ZXDC: variants seen among roughly 807,000 people sequenced by gnomAD.
ZXDC encodes the protein ZXD family zinc finger C.
Under a neutral mutation model 63.6 loss-of-function variants are expected in ZXDC, and 58 were observed. The observed-to-expected ratio is 0.91, with a 90% CI of 0.74 to 1.13. ZXDC has a LOEUF of 1.13. Among genes scored for constraint, ZXDC ranks in the 50% most tolerant of loss-of-function variants. The pLI, the probability that ZXDC is intolerant of heterozygous loss-of-function variation, is 0.00. For missense variants in ZXDC, 1,133 were observed against 1,148.9 expected (o/e 0.99, Z 0.20); for synonymous variants, 561 against 496.1 (o/e 1.13, Z -1.74).
At chr3:126,454,108 C>T in intron 7 of ZXDC, 1 of 946,178 alleles carries the variant, frequency 1.1e-6, no homozygotes, top group Non-Finnish European at 1.3e-6. Context: ...TCCTGATGCC[C>T]TAATTTGTTC....
chr3:126,451,505 C>A, intron 7 of ZXDC: 3 of 985,372 alleles, frequency 3.0e-6, no homozygotes, highest in Non-Finnish European at 3.6e-6. Context: ...TATTTTTTGG[C>A]TCCTGAACAC....
At chr3:126,456,716 T>C (rs1934319305) in intron 7 of ZXDC, among the ~76,000 whole-genome samples, 1 of 152,208 alleles carries the variant, frequency 6.6e-6, no homozygotes, top group African/African-American at 2.4e-5. Context: ...AAGGGTGGTC[T>C]TGAGGACCCC....
At chr3:126,447,961 C>G (rs1391376788) in intron 7 of ZXDC, among the ~76,000 whole-genome samples, 2 of 152,234 alleles carry the variant, frequency 1.3e-5, no homozygotes, top group Non-Finnish European at 2.9e-5. Context: ...GCTCTGAGGG[C>G]AGCCGGCCTT....
rs186172267 is a variant in ZXDC at position 126,448,624 on chromosome 3, G to A, written c.2213-6678C>T. On this transcript the variant is annotated intron_variant, in intron 7 of 9. Coordinates refer to ENST00000389709, the MANE Select transcript of ZXDC (RefSeq NM_025112.5). ...AGAAGCAAGCACCAGAGACCAGCAC[G>A]TCGTGGGGCTGCCACCCCTAGGGCT... Among the ~76,000 whole-genome samples the A allele has an allele frequency of 4.7e-4, 72 of 152,344 alleles. 1 individual carries two copies. The East Asian group carries it at 8.7e-3, about 18-fold the overall frequency.
intron 8 of ZXDC, chr3:126,440,740 C>G (rs1179212283): frequency 1.0e-6 from 1 of 985,884 alleles, no homozygotes; most frequent in Non-Finnish European, 1.2e-6. Context: ...ATCTGACGCT[C>G]ACCGCTAGCT....
At chr3:126,448,757 G>A (rs980642606) in intron 7 of ZXDC, among the ~76,000 whole-genome samples, 19 of 152,256 alleles carry the variant, frequency 1.2e-4, no homozygotes, top group African/African-American at 4.6e-4. Flanking sequence ...AGCCATGAGG[G>A]TAGACGGCCA....
At chr3:126,442,747 T>C (rs1029963827) in intron 7 of ZXDC, 1 of 152,160 alleles carries the variant, frequency 6.6e-6, no homozygotes, top group African/African-American at 2.4e-5. Flanking sequence ...TTAGGCACTG[T>C]CACTGCTCTG....
At chr3:126,440,988 C>G (rs1048319137) in intron 8 of ZXDC, 5 of 985,524 alleles carry the variant, frequency 5.1e-6, no homozygotes, top group Non-Finnish European at 6.0e-6. Flanking sequence ...TCCCCTGCCA[C>G]AGGGAATCTA....
chr3:126,450,628 A>C, intron 7 of ZXDC: 2 of 430,612 alleles, frequency 4.6e-6, no homozygotes, highest in Non-Finnish European at 9.4e-6. Context: ...CCCTACCCGC[A>C]TCTCCCTTCC....
In ZXDC at chr3:126,459,525, A is replaced by G. The variant is rs1934437348; in HGVS notation, c.2212+128T>C. The G allele has an allele frequency of 2.6e-6, 4 of 1,510,028 alleles. No individual in the cohort carries two copies. In the South Asian group the frequency reaches 5.3e-5, roughly 20 times the overall value. 93.5% of individuals were successfully genotyped at this position (1,510,028 alleles called of 1,614,324 possible). On this transcript the variant is annotated intron_variant, in intron 7 of 9. Transcript: ENST00000389709. ...GTTCAAATAAAACTAAGGAGTTGAT[A>G]AAAGGGTATTCTGAACAGAAAAGTA...
intron 7 of ZXDC, among the ~76,000 whole-genome samples, chr3:126,446,182 T>C (rs1448710303): frequency 6.6e-6 from 1 of 152,246 alleles, no homozygotes; most frequent in Non-Finnish European, 1.5e-5. Flanking sequence ...CCAAAATGCT[T>C]GCTTGTGCTG....
chr3:126,441,045 C>A (rs901281892), intron 8 of ZXDC: 2 of 985,470 alleles, frequency 2.0e-6, no homozygotes, highest in African/African-American at 3.5e-5. Context: ...CAAACCCAGA[C>A]AGCCCCGGCT....
At chr3:126,440,768 C>T in intron 8 of ZXDC, 1 of 986,328 alleles carries the variant, frequency 1.0e-6, no homozygotes, top group Non-Finnish European at 1.2e-6. Flanking sequence ...AGCACAGGGC[C>T]ACCCCCAGCT....
At chr3:126,451,852 T>G (rs12957) in intron 7 of ZXDC, 610,446 of 984,760 alleles carry the variant, frequency 0.62, 191,891 homozygotes, top group Non-Finnish European at 0.64. Flanking sequence ...GTGGCACCCG[T>G]GCAGGAAGGG....
In ZXDC at chr3:126,441,798, G is replaced by A. The variant is rs139202046; in HGVS notation, c.2361C>T (p.Cys787=). Reference sequence around the variant, plus strand: ...GCTGGACCTGGACGCCCTGCGCCCCGCACTGCACCCCAGCTGCTGGAGCTG... The same window carrying A: ...GCTGGACCTGGACGCCCTGCGCCCCACACTGCACCCCAGCTGCTGGAGCTG... ...PGPAPAAGVQ[C]GAQGVQVQLV... Residue 787 remains cysteine, a synonymous_variant, in exon 8 of 10, where the codon TGC becomes TGT. Transcript: ENST00000389709. 3,737 of 1,611,192 alleles carry A rather than the reference G, an allele frequency of 2.3e-3. 24 individuals carry two copies. The Middle Eastern group carries it at 0.024, about 10-fold the overall frequency.
At chr3:126,473,130 C>T (rs1935040478) in intron 1 of ZXDC, among the ~76,000 whole-genome samples, 1 of 152,214 alleles carries the variant, frequency 6.6e-6, no homozygotes, top group Non-Finnish European at 1.5e-5. Context: ...CAACATCTAA[C>T]TCAGAAATGC....
rs149440847 is a variant in ZXDC, at chr3:126,473,311, T to C, written c.908-1006A>G. On this transcript the variant is annotated intron_variant, in intron 1 of 9. Transcript: ENST00000389709. Reference sequence around the variant, plus strand: ...TTGGTTCTCCCTCTGCAATCTCACCTGCTAGAGACCCTCATCATTCCCACT... The same window carrying C: ...TTGGTTCTCCCTCTGCAATCTCACCCGCTAGAGACCCTCATCATTCCCACT... Among the ~76,000 whole-genome samples, 641 of 152,256 alleles carry C rather than the reference T, an allele frequency of 4.2e-3. 5 individuals carry two copies. Among genetic ancestry groups the C allele is most frequent in the African/African-American group, 0.015 (604 of 41,534 alleles).
In ZXDC at chr3:126,461,733, C is replaced by T. The variant is rs780296843; in HGVS notation, c.1929G>A (p.Ser643=). Residue 643 remains serine, a synonymous_variant, in exon 6 of 10, where the codon TCG becomes TCA. Coordinates refer to ENST00000389709, the MANE Select transcript of ZXDC (RefSeq NM_025112.5). ...CACTGGCATTTTCTCGGGGGGTGCT[C>T]GAAGAGGTCGGTGTGGTGATATGTG... ...LAAHITTPTS[S]STPRENASVP... 5.6e-6 allele frequency: 9 copies of T among 1,613,282 alleles called. No individual in the cohort carries two copies. Among genetic ancestry groups the T allele is most frequent in the African/African-American group, 1.3e-5 (1 of 74,646 alleles).
chr3:126,472,119 G>C, intron 2 of ZXDC, 34 bp downstream of exon 2: 1 of 1,608,358 alleles, frequency 6.2e-7, no homozygotes, highest in Non-Finnish European at 8.5e-7. Flanking sequence ...GACAAATCTT[G>C]GGTCCAAATG....
Sources: gnomAD v4.1 joint callset for allele counts (sites outside exome capture counted in the v4.1 genomes callset) on GRCh38, gnomAD v4.1.1 for gene constraint, MANE v1.5 for transcripts, NCBI Gene and HGNC (gene_info 2026-07-23, HGNC 2026-07-21) for gene names.